The following AADACL4 variants were observed in gnomAD, a reference collection of about 807,000 sequenced individuals.
The protein encoded by AADACL4 is arylacetamide deacetylase-like 4.
Under a neutral mutation model 14.1 loss-of-function variants are expected in AADACL4, and 9 were observed. That is an observed-to-expected ratio of 0.64 (90% CI 0.39 to 1.12). The LOEUF is 1.12. Among genes scored for constraint, AADACL4 ranks in the 50% most tolerant of loss-of-function variants. AADACL4 has a pLI of 0.01. For missense variants in AADACL4, 531 were observed against 516.1 expected (o/e 1.03, Z -0.28); for synonymous variants, 188 against 201.6 (o/e 0.93, Z 0.57).
At chr1:12,665,514 C>T (rs904598988) in intron 3 of AADACL4, among the ~76,000 whole-genome samples, 2 of 152,118 alleles carry the variant, frequency 1.3e-5, no homozygotes, top group East Asian at 1.9e-4. Flanking sequence ...CATGAGTCAC[C>T]GTGCCCGGCC....
intron 2 of AADACL4, among the ~76,000 whole-genome samples, chr1:12,661,527 G>C (rs931378049): frequency 6.6e-6 from 1 of 152,144 alleles, no homozygotes; most frequent in African/African-American, 2.4e-5. Flanking sequence ...AAGATTTCCA[G>C]GTTCCTGGTT....
chr1:12,650,576 A>G (rs562990758), intron 1 of AADACL4, among the ~76,000 whole-genome samples: 16 of 147,140 alleles, frequency 1.1e-4, no homozygotes, highest in African/African-American at 3.3e-4. Context: ...CTCTGTTGCC[A>G]GGCTGGAGTG....
chr1:12,648,379 TCC>T (rs1317588541), intron 1 of AADACL4, among the ~76,000 whole-genome samples: 1 of 150,038 alleles, frequency 6.7e-6, no homozygotes, highest in Admixed American at 6.6e-5. Context: ...CTTCCTTCCT[TCC>T]TTCCTTCCTT....
chr1:12,652,151 T>A (rs1206695558), intron 2 of AADACL4, among the ~76,000 whole-genome samples: 1 of 152,110 alleles, frequency 6.6e-6, no homozygotes, highest in African/African-American at 2.4e-5. Flanking sequence ...AAAATACAAG[T>A]CAGAGCTTGT....
chr1:12,661,184 C>T (rs116559169), intron 2 of AADACL4, among the ~76,000 whole-genome samples: 178 of 152,312 alleles, frequency 1.2e-3, no homozygotes, highest in African/African-American at 4.1e-3. Flanking sequence ...CCTGAGCTTC[C>T]ATGCTAGAGA....
chr1:12,662,055 A>G (rs994477408), intron 3 of AADACL4, among the ~76,000 whole-genome samples: 3 of 152,222 alleles, frequency 2.0e-5, no homozygotes, highest in Admixed American at 1.3e-4. Context: ...GCGTGCATGA[A>G]TAAACCTCAG....
At chr1:12,650,787 TC>T (rs1196131305) in intron 1 of AADACL4, among the ~76,000 whole-genome samples, 1 of 152,164 alleles carries the variant, frequency 6.6e-6, no homozygotes, top group Non-Finnish European at 1.5e-5. Flanking sequence ...CACCTCGGCC[TC>T]CCAAAGTGCT....
chr1:12,651,172 G>T lies in AADACL4; in HGVS notation c.218G>T (p.Arg73Leu). ...ATTTGCTCCATGCCCAAATTTATTC[G>T]TTTTTTACATGATAGCGTGAGAATT... ...LGICSMPKFIRFLHDSVRIKK... is the reference protein window; with the variant it reads ...LGICSMPKFILFLHDSVRIKK... The change falls in exon 2 of 4, where the codon CGT (arginine) becomes CTT (leucine). Residue 73 changes from arginine (R) to leucine (L), a missense_variant. Transcript: ENST00000376221. 1 of 1,614,200 alleles carries T rather than the reference G, an allele frequency of 6.2e-7. No homozygotes were observed.
chr1:12,663,861 C>T (rs141606587), intron 3 of AADACL4, among the ~76,000 whole-genome samples: 25 of 152,202 alleles, frequency 1.6e-4, no homozygotes, highest in Middle Eastern at 3.4e-3. Flanking sequence ...TAAATAGGAA[C>T]CTGCTTCGAT....
intron 1 of AADACL4, among the ~76,000 whole-genome samples, chr1:12,647,256 G>A (rs567481818): frequency 4.6e-5 from 7 of 152,026 alleles, no homozygotes; most frequent in African/African-American, 1.4e-4. Flanking sequence ...TTCACATCAC[G>A]CCTGGCTAAT....
intron 3 of AADACL4, 120 bp from the exon 4 acceptor site, chr1:12,665,841 A>G: frequency 3.6e-6 from 4 of 1,104,254 alleles, no homozygotes; most frequent in Non-Finnish European, 5.1e-6. Flanking sequence ...CTTATTTCAT[A>G]GGGTTATTCT....
chr1:12,655,685 T>A (rs954023303), intron 2 of AADACL4, among the ~76,000 whole-genome samples: 2 of 152,120 alleles, frequency 1.3e-5, no homozygotes, highest in African/African-American at 2.4e-5. Flanking sequence ...AGGATGGCTA[T>A]CATTTGGGCT....
At chr1:12,647,811 A>C (rs1356284415) in intron 1 of AADACL4, among the ~76,000 whole-genome samples, 1 of 152,068 alleles carries the variant, frequency 6.6e-6, no homozygotes, top group Non-Finnish European at 1.5e-5. Context: ...GCCTGCCACC[A>C]TGCCCAGATA....
chr1:12,650,779 C>G (rs936863509), intron 1 of AADACL4, among the ~76,000 whole-genome samples: 3 of 152,194 alleles, frequency 2.0e-5, no homozygotes, highest in African/African-American at 7.2e-5. Context: ...GAGCCGTCCA[C>G]CTCGGCCTCC....
intron 1 of AADACL4, 74 bp from the exon 2 acceptor site, chr1:12,651,049 C>A: frequency 7.1e-7 from 1 of 1,414,678 alleles, no homozygotes; most frequent in Non-Finnish European, 1.0e-6. Flanking sequence ...CCTAACAATT[C>A]TAAGTGTCAG....
chr1:12,653,977 G>A (rs574808931), intron 2 of AADACL4, among the ~76,000 whole-genome samples: 3 of 152,200 alleles, frequency 2.0e-5, no homozygotes, highest in Admixed American at 6.5e-5. Flanking sequence ...TCATGCCAAG[G>A]GATTTACAAA....
rs532423648 is a variant in AADACL4 at position 12,666,335 on chromosome 1, C to G, written c.824C>G (p.Pro275Arg). The change falls in exon 4 of 4, where the codon CCA becomes CGA. Residue 275 changes from proline (P) to arginine (R), a missense_variant. Transcript: ENST00000376221. The stretch of plus-strand genomic sequence containing the variant: ...ATCTTGAACGGCACTTGTGTACCCC[C>G]AGACGTCTGGAGGAAGTACGAGAAG... Reference protein sequence around the residue: ...DAILNGTCVPPDVWRKYEKWL... With the variant: ...DAILNGTCVPRDVWRKYEKWL... The G allele has an allele frequency of 6.2e-7, 1 of 1,614,208 alleles. No homozygotes were observed. Among genetic ancestry groups the G allele is most frequent in the East Asian group, 2.2e-5 (1 of 44,888 alleles).
At chr1:12,651,424 A>G in intron 2 of AADACL4, 85 bp downstream of exon 2, 1 of 1,382,724 alleles carries the variant, frequency 7.2e-7, no homozygotes, top group Non-Finnish European at 1.0e-6. Flanking sequence ...GAACCCTTCT[A>G]CAGTAGCTTA....
rs1182046001 is a variant in AADACL4 at position 12,665,881 on chromosome 1, G to C, written c.450-80G>C. ...ATTTAATCAGATATAGTCTTGTAAGGGGGTTGAGGATTCTGTTGAAACAGC... is the reference window on the plus strand; with the variant it reads ...ATTTAATCAGATATAGTCTTGTAAGCGGGTTGAGGATTCTGTTGAAACAGC... On this transcript the variant is annotated intron_variant, in intron 3 of 3. Coordinates refer to ENST00000376221, the MANE Select transcript of AADACL4 (RefSeq NM_001013630.2). 1.0e-5 allele frequency: 14 copies of C among 1,390,694 alleles called. No individual in the cohort carries two copies. In the East Asian group the frequency reaches 3.2e-4, roughly 32 times the overall value. 86.1% of individuals were successfully genotyped at this position (1,390,694 alleles called of 1,614,324 possible). A position where few individuals can be genotyped will look rare whatever the true frequency, so the allele number is the denominator to read the frequency against.
Sources: gnomAD v4.1 joint callset for allele counts (sites outside exome capture counted in the v4.1 genomes callset) on GRCh38, gnomAD v4.1.1 for gene constraint, MANE v1.5 for transcripts, NCBI Gene and HGNC (gene_info 2026-07-23, HGNC 2026-07-21) for gene names.